GALNTL6: variants seen among roughly 807,000 people sequenced by gnomAD.
GALNTL6 encodes polypeptide N-acetylgalactosaminyltransferase like 6.
In GALNTL6, 46 loss-of-function variants were observed where a neutral mutation model predicts 73.7. The observed-to-expected ratio is 0.62, with a 90% CI of 0.49 to 0.80. The LOEUF (loss-of-function observed/expected upper bound fraction) is 0.80. Among genes scored for constraint, GALNTL6 ranks in the 30% least tolerant of loss-of-function variants. The pLI, the probability that GALNTL6 is intolerant of heterozygous loss-of-function variation, is 0.00. For missense variants in GALNTL6, 604 were observed against 755.0 expected (o/e 0.80, Z 2.34); for synonymous variants, 259 against 263.7 (o/e 0.98, Z 0.17).
intron 2 of GALNTL6, among the ~76,000 whole-genome samples, chr4:172,051,291 C>G (rs554184527): frequency 6.6e-6 from 1 of 152,042 alleles, no homozygotes; most frequent in Non-Finnish European, 1.5e-5. Context: ...CCCAAGTGGG[C>G]GTGTATTACA....
At chr4:172,552,837 T>TAAAAAAAA (rs397933315) in intron 5 of GALNTL6, among the ~76,000 whole-genome samples, 9,103 of 80,134 alleles carry the variant, frequency 0.11, 940 homozygotes, top group Non-Finnish European at 0.12. Context: ...GTAATTGCAG[T>TAAAAAAAA]AAAAAAAAAA....
At chr4:172,927,992 G>A (rs1306582204) in intron 8 of GALNTL6, among the ~76,000 whole-genome samples, 1 of 152,142 alleles carries the variant, frequency 6.6e-6, no homozygotes, top group Non-Finnish European at 1.5e-5. Flanking sequence ...TCTAATTTTG[G>A]AAACTATAAT....
intron 7 of GALNTL6, among the ~76,000 whole-genome samples, chr4:172,872,329 C>T (rs1368438784): frequency 6.6e-6 from 1 of 152,108 alleles, no homozygotes; most frequent in Non-Finnish European, 1.5e-5. Flanking sequence ...AAACAGCATC[C>T]TATACTTCTG....
At chr4:172,991,946 G>T (rs1298870277) in intron 10 of GALNTL6, among the ~76,000 whole-genome samples, 1 of 152,070 alleles carries the variant, frequency 6.6e-6, no homozygotes, top group Non-Finnish European at 1.5e-5. Context: ...TAGCCAATTT[G>T]CTCACACACA....
chr4:171,853,588 G>T (rs367771784), intron 2 of GALNTL6, among the ~76,000 whole-genome samples: 178 of 32,244 alleles, frequency 5.5e-3, no homozygotes, highest in Admixed American at 0.011. Flanking sequence ...TCTCTCTTTT[G>T]TTTAGCCACT....
intron 3 of GALNTL6, among the ~76,000 whole-genome samples, chr4:172,254,987 A>G (rs1189158305): frequency 1.3e-5 from 2 of 151,728 alleles, no homozygotes; most frequent in Non-Finnish European, 3.0e-5. Context: ...TGGATGGCAG[A>G]AATTCAAACA....
chr4:172,616,549 T>G (rs1369435143), intron 5 of GALNTL6, among the ~76,000 whole-genome samples: 128 of 148,778 alleles, frequency 8.6e-4, no homozygotes, highest in African/African-American at 3.0e-3. Context: ...TTTTTTTTTT[T>G]GCAAAGTTTT....
At chr4:172,780,222 G>A (rs903567969) in intron 5 of GALNTL6, among the ~76,000 whole-genome samples, 8 of 151,912 alleles carry the variant, frequency 5.3e-5, no homozygotes, top group African/African-American at 1.7e-4. Flanking sequence ...GAAATAACAT[G>A]CCTATTCATT....
At chr4:172,893,927 G>T (rs1296805321) in intron 8 of GALNTL6, among the ~76,000 whole-genome samples, 2 of 152,144 alleles carry the variant, frequency 1.3e-5, no homozygotes, top group African/African-American at 2.4e-5. Context: ...GAGTCCCGGA[G>T]CTCCTTCACT....
intron 5 of GALNTL6, among the ~76,000 whole-genome samples, chr4:172,519,256 T>C (rs1191259186): frequency 6.6e-6 from 1 of 150,652 alleles, no homozygotes; most frequent in African/African-American, 2.4e-5. Flanking sequence ...TATTTATATA[T>C]GATATATTTA....
At chr4:173,008,535 A>T (rs1163344686) in intron 10 of GALNTL6, among the ~76,000 whole-genome samples, 1 of 152,236 alleles carries the variant, frequency 6.6e-6, no homozygotes, top group Admixed American at 6.5e-5. Flanking sequence ...ATGAGGTTGC[A>T]GCAGAGAAAG....
chr4:172,432,564 G>T (rs1731493573), intron 5 of GALNTL6, among the ~76,000 whole-genome samples: 1 of 151,914 alleles, frequency 6.6e-6, no homozygotes, highest in Non-Finnish European at 1.5e-5. Context: ...AGGATTTACT[G>T]CAAATGGACA....
intron 4 of GALNTL6, among the ~76,000 whole-genome samples, chr4:172,329,226 C>A (rs1014022240): frequency 2.6e-5 from 4 of 152,214 alleles, no homozygotes; most frequent in Admixed American, 2.6e-4. Flanking sequence ...GCAAAGATGG[C>A]AACCTGTTCC....
intron 5 of GALNTL6, among the ~76,000 whole-genome samples, chr4:172,552,340 C>T (rs1053190854): frequency 1.3e-5 from 2 of 151,944 alleles, no homozygotes; most frequent in Non-Finnish European, 2.9e-5. Flanking sequence ...GTAGCTAAAT[C>T]GGAAAGTTCT....
At chr4:172,991,412 G>A (rs1477440490) in intron 10 of GALNTL6, among the ~76,000 whole-genome samples, 1 of 148,732 alleles carries the variant, frequency 6.7e-6, no homozygotes, top group South Asian at 2.1e-4. Context: ...TGTTTTTTTT[G>A]TTTTGAGACA....
chr4:172,223,403 G>A (rs1218243269), intron 2 of GALNTL6, among the ~76,000 whole-genome samples: 1 of 152,056 alleles, frequency 6.6e-6, no homozygotes, highest in African/African-American at 2.4e-5. Flanking sequence ...AGTTCAAACT[G>A]AGGAAGGAAA....
chr4:172,396,790 G>A (rs1743864829), intron 5 of GALNTL6, among the ~76,000 whole-genome samples: 1 of 152,158 alleles, frequency 6.6e-6, no homozygotes, highest in South Asian at 2.1e-4. Flanking sequence ...ATAATTATCA[G>A]TGTGTTGCAA....
At chr4:172,840,346 G>A (rs1372585153) in intron 7 of GALNTL6, among the ~76,000 whole-genome samples, 2 of 152,112 alleles carry the variant, frequency 1.3e-5, no homozygotes, top group African/African-American at 4.8e-5. Flanking sequence ...CAGTGGAATC[G>A]ATTGTAGGCC....
chr4:173,020,419 G>A (rs1752946669), intron 11 of GALNTL6, among the ~76,000 whole-genome samples: 1 of 152,176 alleles, frequency 6.6e-6, no homozygotes, highest in Admixed American at 6.5e-5. Flanking sequence ...GTGTTGGATG[G>A]AATATCAGAG....
Sources: gnomAD v4.1 joint callset for allele counts (sites outside exome capture counted in the v4.1 genomes callset) on GRCh38, gnomAD v4.1.1 for gene constraint, MANE v1.5 for transcripts, NCBI Gene and HGNC (gene_info 2026-07-23, HGNC 2026-07-21) for gene names.